Variants in AFF1 observed in about 807,000 individuals in gnomAD.
The protein encoded by AFF1 is AF4/FMR2 family member 1.
A neutral mutation model predicts 121.7 loss-of-function variants in AFF1; 48 were observed. The observed-to-expected ratio is 0.39, with a 90% CI of 0.31 to 0.50. The LOEUF is 0.50. Ranked by LOEUF, AFF1 falls within the 20% of genes least tolerant of loss-of-function variation. AFF1 has a pLI of 0.76. For synonymous variants in AFF1, 613 were observed against 563.0 expected (o/e 1.09, Z -1.26); for missense variants, 1,523 against 1,511.7 (o/e 1.01, Z -0.12).
At chr4:87,105,942 C>A in intron 10 of AFF1, 97 bp downstream of exon 10, 2 of 1,448,258 alleles carry the variant, frequency 1.4e-6, no homozygotes, top group South Asian at 1.2e-5. Context: ...CATTTTTTGT[C>A]ATGGGAAGGA....
chr4:86,955,491 T>G (rs1361150524), intron 2 of AFF1, among the ~76,000 whole-genome samples: 1 of 152,230 alleles, frequency 6.6e-6, no homozygotes, highest in Non-Finnish European at 1.5e-5. Flanking sequence ...TATCAACTGC[T>G]TGAAATGTCT....
intron 2 of AFF1, among the ~76,000 whole-genome samples, chr4:86,972,601 G>A (rs1723023814): frequency 6.6e-6 from 1 of 152,098 alleles, no homozygotes; most frequent in Non-Finnish European, 1.5e-5. Context: ...GCTATGGTGT[G>A]ATCTCAGGTC....
Position 87,135,760 on chromosome 4 carries a change from A to G in AFF1, c.*59A>G. On this transcript the variant is annotated 3_prime_UTR_variant, in exon 21 of 21. Coordinates refer to ENST00000395146, the MANE Select transcript of AFF1 (RefSeq NM_001166693.3). Reference sequence around the variant, plus strand: ...TATTTTTGCACATTGGAAGCCTCAAAAACAGTCCAGACATTTGTTTCATCA... The same window carrying G: ...TATTTTTGCACATTGGAAGCCTCAAGAACAGTCCAGACATTTGTTTCATCA... 5 of 1,569,210 alleles carry G rather than the reference A, an allele frequency of 3.2e-6. No homozygotes were observed.
intron 4 of AFF1, among the ~76,000 whole-genome samples, chr4:87,062,221 T>C (rs1451590431): frequency 6.6e-6 from 1 of 152,306 alleles, no homozygotes; most frequent in South Asian, 2.1e-4. Context: ...GTTTTAGAGA[T>C]TGGGACGTCC....
intron 2 of AFF1, among the ~76,000 whole-genome samples, chr4:86,949,406 C>T (rs954263688): frequency 1.3e-5 from 2 of 150,552 alleles, no homozygotes; most frequent in Non-Finnish European, 3.0e-5. Context: ...TGAGCCTCTG[C>T]GCTACTCCAA....
rs1281542048 is a variant in AFF1, at chr4:87,121,193, C to T, written c.2467-3844C>T. On this transcript the variant is annotated intron_variant, in intron 12 of 20. Transcript: ENST00000395146. Reference sequence around the variant, plus strand: ...TGAAACCCAGACCTTAAGCCAGATTCCCTGAAGTGGGGATGACCTGGGGAT... The same window carrying T: ...TGAAACCCAGACCTTAAGCCAGATTTCCTGAAGTGGGGATGACCTGGGGAT... Among the ~76,000 whole-genome samples the T allele has an allele frequency of 3.3e-5, 5 of 152,186 alleles. No individual in the cohort carries two copies. The South Asian group carries it at 6.2e-4, about 19-fold the overall frequency.
intron 2 of AFF1, among the ~76,000 whole-genome samples, chr4:86,968,234 G>A (rs1390185662): frequency 6.6e-6 from 1 of 152,082 alleles, no homozygotes; most frequent in African/African-American, 2.4e-5. Context: ...CATTTAAATT[G>A]TTTTTGTTTT....
rs761741018 is a variant in AFF1 at position 87,094,900 on chromosome 4, TTCTC to T, written c.1229-12_1229-9del. The T allele has an allele frequency of 6.2e-7, 1 of 1,612,436 alleles. No homozygotes were observed. The highest frequency in any genetic ancestry group is 1.1e-5 in the South Asian group (1 of 91,002). On this transcript the variant is annotated splice_polypyrimidine_tract_variant and intron_variant, in intron 7 of 20. Transcript: ENST00000395146. ...ATGTGTCATTGTGCTGCTTTGATGT[TTCTC>T]TCCCCCACAGAACAATATGATACAT...
At chr4:86,986,854 ATTAT>A (rs2149498773) in intron 2 of AFF1, among the ~76,000 whole-genome samples, 1 of 152,162 alleles carries the variant, frequency 6.6e-6, no homozygotes, top group African/African-American at 2.4e-5. Flanking sequence ...GGTTATTATT[ATTAT>A]TTTTAAAATC....
chr4:87,076,191 A>G (rs1257494395), intron 4 of AFF1, among the ~76,000 whole-genome samples: 1 of 152,206 alleles, frequency 6.6e-6, no homozygotes, highest in Non-Finnish European at 1.5e-5. Flanking sequence ...TGTTCGTTTC[A>G]TAATAAATTT....
rs1729364486 is a variant in AFF1 at position 87,137,136 on chromosome 4, T to A, written c.*1435T>A. The A allele has an allele frequency of 4.4e-6, 1 of 226,888 alleles. No homozygotes were observed. The highest frequency in any genetic ancestry group is 2.2e-5 in the African/African-American group (1 of 44,986). The allele number at this position is 226,888 out of a possible 1,614,324, so 14.1% of individuals were successfully genotyped here. A position where few individuals can be genotyped will look rare whatever the true frequency, so the allele number is the denominator to read the frequency against. ...ATTGGAAACATTACTTTGAGTGCAG[T>A]GTTTTTAAAAGCCAATTCTTTTTTA... is the stretch of plus-strand genomic sequence containing the variant. On this transcript the variant is annotated 3_prime_UTR_variant, in exon 21 of 21. Transcript: ENST00000395146.
At chr4:87,135,511 G>T in intron 20 of AFF1, 69 bp from the exon 21 acceptor site, 6 of 1,436,728 alleles carry the variant, frequency 4.2e-6, no homozygotes, top group Non-Finnish European at 5.5e-6. Flanking sequence ...TTGAATTTTT[G>T]TTTCCATTTT....
chr4:87,132,180 CCGGTGTGTTCAT>C lies in AFF1; in HGVS notation c.3174-90_3174-79del, dbSNP rs1406236073. 3 of 1,474,952 alleles carry C rather than the reference CCGGTGTGTTCAT, an allele frequency of 2.0e-6. No individual in the cohort carries two copies. In the Admixed American group the frequency reaches 6.7e-5, roughly 33 times the overall value. The allele number at this position is 1,474,952 out of a possible 1,614,324, so 91.4% of individuals were successfully genotyped here. A position where few individuals can be genotyped will look rare whatever the true frequency, so the allele number is the denominator to read the frequency against. On this transcript the variant is annotated intron_variant, in intron 18 of 20. Coordinates refer to ENST00000395146, the MANE Select transcript of AFF1 (RefSeq NM_001166693.3). ...ACTAACTCACACAGGTGAGGCAAACCCGGTGTGTTCATTAGGCTATAAAAGGTTAGATGGCTG... is the reference window on the plus strand; with the variant it reads ...ACTAACTCACACAGGTGAGGCAAACCTAGGCTATAAAAGGTTAGATGGCTG...
intron 4 of AFF1, among the ~76,000 whole-genome samples, chr4:87,071,795 A>G (rs1443535001): frequency 6.6e-6 from 1 of 152,178 alleles, no homozygotes; most frequent in Non-Finnish European, 1.5e-5. Context: ...TCTGTCACTT[A>G]GGTTCTGTAT....
chr4:86,942,807 A>G (rs1163684457), intron 1 of AFF1, among the ~76,000 whole-genome samples: 4 of 152,240 alleles, frequency 2.6e-5, no homozygotes, highest in Non-Finnish European at 4.4e-5. Flanking sequence ...AAGCATGAAG[A>G]CAACATGCTA....
intron 15 of AFF1, 60 bp downstream of exon 15, chr4:87,127,177 C>CCCCCCG (rs1560657684): frequency 7.7e-7 from 1 of 1,299,130 alleles, no homozygotes; most frequent in African/African-American, 1.7e-5. Flanking sequence ...CCCCCCCCCA[C>CCCCCCG]CAAGATAGAG....
rs529653794 is a variant in AFF1, at chr4:87,140,604, A to G, written c.*4903A>G. Reference sequence around the variant, plus strand: ...GTTGATAAATGAAAATCACTGGCCTATGTTTAATAAGTTTTTCTTTAATTA... The same window carrying G: ...GTTGATAAATGAAAATCACTGGCCTGTGTTTAATAAGTTTTTCTTTAATTA... On this transcript the variant is annotated 3_prime_UTR_variant, in exon 21 of 21. Transcript: ENST00000395146. 8.1e-5 allele frequency: 15 copies of G among 185,022 alleles called. No homozygotes were observed. The South Asian group carries it at 2.2e-3, about 27-fold the overall frequency. 11.5% of individuals were successfully genotyped at this position (185,022 alleles called of 1,614,324 possible). A position where few individuals can be genotyped will look rare whatever the true frequency, so the allele number is the denominator to read the frequency against.
Position 86,964,615 on chromosome 4 carries a change from G to A in AFF1, c.38+16044G>A, listed in dbSNP as rs192411263. ...ATGCCCGGCTAATTTTGTATTTTTA[G>A]TAGAGACAGGGTTTCTCCACGTTGG... On this transcript the variant is annotated intron_variant, in intron 2 of 20. Transcript: ENST00000395146. 6.0e-5 allele frequency among the ~76,000 whole-genome samples: 9 copies of A among 151,256 alleles called. No homozygotes were observed. In the East Asian group the frequency reaches 1.8e-3, roughly 30 times the overall value.
At chr4:87,030,498 T>TA (rs1484676285) in intron 2 of AFF1, among the ~76,000 whole-genome samples, 2 of 152,182 alleles carry the variant, frequency 1.3e-5, no homozygotes, top group African/African-American at 4.8e-5. Context: ...TATGAATGGT[T>TA]AAAAAAATTC....
Sources: allele counts gnomAD v4.1 joint callset (sites outside exome capture counted in the v4.1 genomes callset), GRCh38; gene constraint gnomAD v4.1.1; transcripts MANE v1.5; gene names NCBI Gene and HGNC (gene_info 2026-07-23, HGNC 2026-07-21).